UPP2: variants seen among roughly 807,000 people sequenced by gnomAD.
UPP2 encodes UPase 2.
Under a neutral mutation model 26.7 loss-of-function variants are expected in UPP2, and 23 were observed. The observed-to-expected ratio is 0.86, with a 90% CI of 0.62 to 1.22. The LOEUF (loss-of-function observed/expected upper bound fraction) is 1.22, where lower values mean the gene tolerates loss of function less well. Ranked by LOEUF, UPP2 falls within the 50% of genes most tolerant of loss-of-function variation. The pLI, the probability that UPP2 is intolerant of heterozygous loss-of-function variation, is 0.00. For missense variants in UPP2, 387 were observed against 396.7 expected, an observed-to-expected ratio of 0.98 and a Z score of 0.21; for synonymous variants, 127 against 141.3, an observed-to-expected ratio of 0.90 and a Z score of 0.72.
chr2:158,065,360 T>G (rs1682418793), intron 3 of UPP2, among the ~76,000 whole-genome samples: 1 of 152,236 alleles, frequency 6.6e-6, no homozygotes, highest in African/African-American at 2.4e-5. Context: ...ATTACTGGAT[T>G]GAAGAAGTGT....
chr2:158,052,608 T>C (rs1307529554), intron 3 of UPP2, among the ~76,000 whole-genome samples: 1 of 152,232 alleles, frequency 6.6e-6, no homozygotes, highest in Non-Finnish European at 1.5e-5. Flanking sequence ...ATATTAGCTC[T>C]GTCACTTTGA....
intron 3 of UPP2, among the ~76,000 whole-genome samples, chr2:158,050,522 G>T (rs985000724): frequency 6.7e-6 from 1 of 149,122 alleles, no homozygotes; most frequent in East Asian, 2.0e-4. Context: ...ATCTAGCTAG[G>T]TGTGATGATA....
intron 2 of UPP2, among the ~76,000 whole-genome samples, chr2:158,109,543 G>T (rs183276915): frequency 1.8e-3 from 269 of 152,286 alleles, no homozygotes; most frequent in African/African-American, 3.8e-3. Context: ...GCAGATGACA[G>T]CGACAATATG....
At chr2:158,025,075 G>A (rs1683813045) in intron 3 of UPP2, among the ~76,000 whole-genome samples, 1 of 151,968 alleles carries the variant, frequency 6.6e-6, no homozygotes, top group Non-Finnish European at 1.5e-5. Flanking sequence ...ATGGCGGGGT[G>A]CCTGTAATCC....
chr2:158,055,555 C>T lies in UPP2; in HGVS notation c.147+39669C>T, dbSNP rs910881802. ...ATCCTCAGAGCTGTCTTTCTTGACA[C>T]TCCTAAGTGATAGCCCTCTAAAAGT... On this transcript the variant is annotated intron_variant, in intron 3 of 9. Coordinates refer to the UPP2 transcript ENST00000605860. 3.3e-5 allele frequency among the ~76,000 whole-genome samples: 5 copies of T among 152,300 alleles called. No individual in the cohort carries two copies. The South Asian group carries it at 8.3e-4, about 25-fold the overall frequency.
At chr2:158,082,297 C>T (rs1329927373) in intron 3 of UPP2, among the ~76,000 whole-genome samples, 1 of 152,130 alleles carries the variant, frequency 6.6e-6, no homozygotes, top group Non-Finnish European at 1.5e-5. Context: ...GATTTGGGTG[C>T]ACCTATCTCC....
intron 2 of UPP2, among the ~76,000 whole-genome samples, chr2:158,003,050 C>T (rs1683433683): frequency 6.6e-6 from 1 of 152,196 alleles, no homozygotes; most frequent in South Asian, 2.1e-4. Flanking sequence ...AAGTTTGATG[C>T]AGTCTCAAAA....
chr2:158,122,572 A>C (rs917868827), intron 5 of UPP2, among the ~76,000 whole-genome samples: 1 of 152,114 alleles, frequency 6.6e-6, no homozygotes, highest in Non-Finnish European at 1.5e-5. Context: ...TGCAAATGGA[A>C]GCTTGTTAAA....
chr2:158,035,705 T>C (rs1206977060), intron 3 of UPP2, among the ~76,000 whole-genome samples: 1 of 152,218 alleles, frequency 6.6e-6, no homozygotes, highest in Non-Finnish European at 1.5e-5. Context: ...AACTAATTCA[T>C]ACATTGATGA....
chr2:158,041,673 A>G (rs1027355413), intron 3 of UPP2, among the ~76,000 whole-genome samples: 3 of 152,384 alleles, frequency 2.0e-5, no homozygotes, highest in Non-Finnish European at 2.9e-5. Context: ...AGACAACAGC[A>G]TAAGTGGAAA....
rs1393766146 is a variant in UPP2 at position 158,135,097 on chromosome 2, G to A, written c.*207G>A. 3 of 568,932 alleles carry A rather than the reference G, an allele frequency of 5.3e-6. No individual in the cohort carries two copies. Among genetic ancestry groups the A allele is most frequent in the Non-Finnish European group, 8.1e-6 (3 of 368,732 alleles). 35.2% of individuals were successfully genotyped at this position (568,932 alleles called of 1,614,324 possible). ...AAATTCAAATTTCATTTTAGAATAA[G>A]TTAACTAAATCAGTCTAATAATTAA... On this transcript the variant is annotated 3_prime_UTR_variant, in exon 7 of 7. Coordinates refer to ENST00000005756, the MANE Select transcript of UPP2 (RefSeq NM_173355.4).
intron 3 of UPP2, among the ~76,000 whole-genome samples, chr2:158,071,457 A>G (rs577939064): frequency 4.7e-5 from 7 of 148,840 alleles, no homozygotes; most frequent in African/African-American, 1.7e-4. Flanking sequence ...AGGCTGAGGC[A>G]GGAGAATTGC....
chr2:157,998,725 C>A (rs1476054164), intron 2 of UPP2, among the ~76,000 whole-genome samples: 2 of 152,150 alleles, frequency 1.3e-5, no homozygotes, highest in Non-Finnish European at 2.9e-5. Flanking sequence ...ATCACTTGAA[C>A]CCAGGAGGTG....
intron 3 of UPP2, among the ~76,000 whole-genome samples, chr2:158,117,231 A>T (rs1054021375): frequency 1.3e-5 from 2 of 151,354 alleles, no homozygotes. Context: ...TGTCCTGAAT[A>T]CTGAAAAAAA....
chr2:158,011,621 G>A (rs1461736816), intron 2 of UPP2, among the ~76,000 whole-genome samples: 1 of 143,136 alleles, frequency 7.0e-6, no homozygotes, highest in Non-Finnish European at 1.5e-5. Context: ...GGAGGAGGAT[G>A]TAGGGTCATG....
At chr2:158,127,301 T>G (rs963088603) in intron 6 of UPP2, among the ~76,000 whole-genome samples, 1 of 152,268 alleles carries the variant, frequency 6.6e-6, no homozygotes, top group Non-Finnish European at 1.5e-5. Context: ...TGTTAACTTA[T>G]ATATTATTTC....
At chr2:158,050,033 T>C (rs1682122674) in intron 3 of UPP2, among the ~76,000 whole-genome samples, 1 of 152,240 alleles carries the variant, frequency 6.6e-6, no homozygotes, top group Non-Finnish European at 1.5e-5. Flanking sequence ...TAATGGTTAA[T>C]CTTGATTCCT....
chr2:158,082,571 A>G (rs768268747), intron 3 of UPP2, among the ~76,000 whole-genome samples: 1 of 152,208 alleles, frequency 6.6e-6, no homozygotes, highest in Non-Finnish European at 1.5e-5. Flanking sequence ...AGATGGATTA[A>G]AGACTTAAAC....
intron 3 of UPP2, among the ~76,000 whole-genome samples, chr2:158,077,089 A>AT (rs1243052031): frequency 1.3e-5 from 2 of 152,082 alleles, no homozygotes; most frequent in Non-Finnish European, 2.9e-5. Context: ...ATAAAATTAA[A>AT]TACCTAGGAA....
Sources: allele counts gnomAD v4.1 joint callset (sites outside exome capture counted in the v4.1 genomes callset), GRCh38; gene constraint gnomAD v4.1.1; transcripts MANE v1.5; gene names NCBI Gene and HGNC (gene_info 2026-07-23, HGNC 2026-07-21).